The following TUBGCP6 variants were observed in gnomAD, a reference collection of about 807,000 sequenced individuals.
TUBGCP6 encodes gamma-tubulin complex component 6.
TUBGCP6 carries 161 observed loss-of-function variants against 175.8 expected under a neutral mutation model. The ratio of observed to expected loss-of-function variants is 0.92; its 90% confidence interval spans 0.81 to 1.04. TUBGCP6 has a LOEUF of 1.04. Ranked by LOEUF, TUBGCP6 falls within the 50% of genes least tolerant of loss-of-function variation. The pLI is 0.00. For synonymous variants in TUBGCP6, 1,173 were observed against 1,030.5 expected, an observed-to-expected ratio of 1.14 and a Z score of -2.65; for missense variants, 2,572 against 2,433.0, an observed-to-expected ratio of 1.06 and a Z score of -1.20.
chr22:50,217,756 T>C lies in TUBGCP6; in HGVS notation c.5440A>G (p.Asn1814Asp). 1 of 1,613,672 alleles carries C rather than the reference T, an allele frequency of 6.2e-7. No homozygotes were observed. The highest frequency in any genetic ancestry group is 2.2e-5 in the East Asian group (1 of 44,870). ...EDFLLRINFN[N>D]YYQDA ...CAGCCTCAGGCGTCCTGGTAGTAGT[T>C]GTTGAAGTTGATGCGCAGCAGAAAG... Residue 1814 changes from asparagine (N) to aspartate (D), a missense_variant, in exon 25 of 25, where the codon AAC becomes GAC. By Grantham distance (23) the Asn-to-Asp change is conservative. Transcript: ENST00000248846.
chr22:50,233,669 G>A, intron 2 of TUBGCP6, 143 bp from the exon 3 acceptor site: 2 of 812,224 alleles, frequency 2.5e-6, no homozygotes, highest in East Asian at 2.7e-5. Context: ...AGCCAGGTAT[G>A]AATGTCAGCT....
chr22:50,217,884 C>A (rs749749382), intron 24 of TUBGCP6, 34 bp downstream of exon 24: 3 of 1,605,044 alleles, frequency 1.9e-6, no homozygotes, highest in East Asian at 4.5e-5. Context: ...CGCCCTGGCC[C>A]CCCCGCAGCC....
rs754436795 is a variant in TUBGCP6, at chr22:50,218,300, T to C, written c.5057A>G (p.Asn1686Ser). ...GCACCAGGTGACGTGCAGGATCTGG[T>C]TGGCGATGTAGCCCTGGATGACCTT... ...FVKVIQGYIA[N>S]QILHVTWCEF... Residue 1686 changes from asparagine (N) to serine (S), a missense_variant, in exon 23 of 25, where the codon AAC (asparagine) becomes AGC (serine). Coordinates refer to ENST00000248846, the MANE Select transcript of TUBGCP6 (RefSeq NM_020461.4). 16 of 1,613,002 alleles carry C rather than the reference T, an allele frequency of 9.9e-6. No homozygotes were observed. The highest frequency in any genetic ancestry group is 1.7e-5 in the Admixed American group (1 of 60,004).
rs1450277925 is a variant in TUBGCP6, at chr22:50,244,508, G to A, written c.-49C>T. On this transcript the variant is annotated 5_prime_UTR_variant, in exon 1 of 25. Coordinates refer to ENST00000248846, the MANE Select transcript of TUBGCP6 (RefSeq NM_020461.4). The stretch of plus-strand genomic sequence containing the variant: ...CGGCGTGTGGGAAAACACCTCACCC[G>A]GGCTTCACTCACGCTCCGGAAGACA... The A allele has an allele frequency of 3.2e-6, 5 of 1,543,598 alleles. No individual in the cohort carries two copies. The highest frequency in any genetic ancestry group is 2.0e-5 in the Admixed American group (1 of 51,008).
intron 2 of TUBGCP6, among the ~76,000 whole-genome samples, chr22:50,234,815 C>T (rs566517443): frequency 6.8e-6 from 1 of 147,384 alleles, no homozygotes; most frequent in South Asian, 2.2e-4. Context: ...GCATCATCCA[C>T]ACCCCCTGTC....
Position 50,218,767 on chromosome 22 carries a change from T to C in TUBGCP6, c.4757A>G (p.Tyr1586Cys), listed in dbSNP as rs780119708. 12 of 1,613,826 alleles carry C rather than the reference T, an allele frequency of 7.4e-6. No individual in the cohort carries two copies. The highest frequency in any genetic ancestry group is 1.0e-5 in the Non-Finnish European group (12 of 1,179,980). The stretch of plus-strand genomic sequence containing the variant: ...GTTGGGGGCAAACACCTCGGGCAGG[T>C]ACTTGAGAGCGAGGGAGAGGTTGGA... Reference protein sequence around the residue: ...HASNLSLALKYLPEVFAPNAP... With the variant: ...HASNLSLALKCLPEVFAPNAP... Residue 1586 changes from tyrosine (Y) to cysteine (C), a missense_variant, in exon 21 of 25, where the codon TAC becomes TGC. By Grantham distance (194) the Tyr-to-Cys change is radical. Coordinates refer to ENST00000248846, the MANE Select transcript of TUBGCP6 (RefSeq NM_020461.4).
Position 50,226,048 on chromosome 22 carries a change from A to AC in TUBGCP6, c.1833+1dup. On this transcript the variant is annotated splice_donor_variant, in intron 9 of 24. Coordinates refer to ENST00000248846, the MANE Select transcript of TUBGCP6 (RefSeq NM_020461.4). LOFTEE classifies it high-confidence loss of function. ...CTTCCCCACACATGAGCCCCTCCTCACCCGGGGGCAGCAGAGCTTCAGCAG... is the reference window on the plus strand; with the variant it reads ...CTTCCCCACACATGAGCCCCTCCTCACCCCGGGGGCAGCAGAGCTTCAGCAG... The AC allele has an allele frequency of 6.2e-7, 1 of 1,613,978 alleles. No homozygotes were observed. Among genetic ancestry groups the AC allele is most frequent in the South Asian group, 1.1e-5 (1 of 91,068 alleles).
intron 4 of TUBGCP6, among the ~76,000 whole-genome samples, 164 bp from the exon 5 acceptor site, chr22:50,228,192 C>G (rs910009081): frequency 3.9e-5 from 6 of 152,318 alleles, no homozygotes; most frequent in Admixed American, 1.3e-4. Flanking sequence ...GCCACCGGGC[C>G]AGGTGGAAAT....
At chr22:50,220,155 G>A (rs2064492348) in intron 16 of TUBGCP6, 96 bp downstream of exon 16, 2 of 1,548,166 alleles carry the variant, frequency 1.3e-6, no homozygotes, top group Non-Finnish European at 1.8e-6. Flanking sequence ...AGGCCTGAGG[G>A]GAACTTCACA....
In TUBGCP6 at chr22:50,218,255, G is replaced by C; in HGVS notation, c.5102C>G (p.Ala1701Gly). The C allele has an allele frequency of 6.2e-7, 1 of 1,613,026 alleles. No individual in the cohort carries two copies. ...VTWCEFRARL[A>G]TVGDLEEIQR... ...GATCTCCTCCAGGTCGCCCACGGTG[G>C]CCAACCTGGCCCTGAACTCGCACCA... Residue 1701 changes from alanine to glycine, a missense_variant, in exon 23 of 25, where the codon GCC becomes GGC. Physicochemically the swap from Ala to Gly is moderately conservative, Grantham distance 60. Coordinates refer to ENST00000248846, the MANE Select transcript of TUBGCP6 (RefSeq NM_020461.4).
In TUBGCP6 at chr22:50,220,735, G is replaced by C. The variant is rs1481801890; in HGVS notation, c.3624C>G (p.Thr1208=). ...LGESVSDMAP[T]RPRWNTHGHV... is the part of the protein sequence containing the mutation. ...GTCCGTGGGTGTTCCACCGTGGCCG[G>C]GTGGGAGCCATGTCTGACACAGACT... is the stretch of plus-strand genomic sequence containing the variant. Residue 1208 remains threonine (T), a synonymous_variant, in exon 16 of 25, where the codon ACC becomes ACG. Coordinates refer to ENST00000248846, the MANE Select transcript of TUBGCP6 (RefSeq NM_020461.4). 1 of 1,609,690 alleles carries C rather than the reference G, an allele frequency of 6.2e-7. No homozygotes were observed. The highest frequency in any genetic ancestry group is 1.1e-5 in the South Asian group (1 of 90,772).
At chr22:50,227,636 C>A (rs1208733862) in intron 5 of TUBGCP6, among the ~76,000 whole-genome samples, 1 of 152,226 alleles carries the variant, frequency 6.6e-6, no homozygotes, top group East Asian at 1.9e-4. Flanking sequence ...GTACCGGACG[C>A]CACATCTCCA....
At position 50,220,611 on chromosome 22, in the gene TUBGCP6, T is replaced by A; in HGVS notation, c.3748A>T (p.Ile1250Phe). 1 of 1,613,054 alleles carries A rather than the reference T, an allele frequency of 6.2e-7. No homozygotes were observed. Among genetic ancestry groups the A allele is most frequent in the Non-Finnish European group, 8.5e-7 (1 of 1,179,736 alleles). The change falls in exon 16 of 25, where the codon ATC becomes TTC. Residue 1250 changes from isoleucine (I) to phenylalanine (F), a missense_variant. Coordinates refer to ENST00000248846, the MANE Select transcript of TUBGCP6 (RefSeq NM_020461.4). The part of the protein sequence containing the change: ...NTHGHVSDAS[I>F]SLGEPVSDVV... ...TCCGACACAGGCTCCCCCAAGCTGA[T>A]GCTGGCGTCGGACACGTGTCCATGG...
chr22:50,221,185 G>A lies in TUBGCP6; in HGVS notation c.3174C>T (p.Asp1058=), dbSNP rs549349313. 248 of 1,606,318 alleles carry A rather than the reference G, an allele frequency of 1.5e-4. 1 individual carries two copies. The South Asian group carries it at 2.3e-3, about 15-fold the overall frequency. The change falls in exon 16 of 25, where the codon GAC becomes GAT. Residue 1058 remains aspartate, a synonymous_variant. Transcript: ENST00000248846. The part of the protein sequence containing the change: ...PRWNTHGHVS[D]ASIRVGENVS... ...CATTCTCCCCGACCCTGATGCTGGC[G>A]TCAGACACGTGCCCGTGGGTGTTCC...
intron 2 of TUBGCP6, among the ~76,000 whole-genome samples, chr22:50,234,450 CAG>C (rs2064738873): frequency 6.7e-6 from 1 of 149,722 alleles, no homozygotes; most frequent in African/African-American, 2.5e-5. Context: ...CATCCACATC[CAG>C]GTCCACAGCA....
In TUBGCP6 at chr22:50,217,777, G is replaced by A; in HGVS notation, c.5419C>T (p.Leu1807=). ...RGYQPHLEDF[L]LRINFNNYYQ... ...TAGTTGTTGAAGTTGATGCGCAGCA[G>A]AAAGTCCTCCAGGTGGGGCTGGTAG... The change falls in exon 25 of 25, where the codon CTG becomes TTG. Residue 1807 remains leucine, a synonymous_variant. Coordinates refer to ENST00000248846, the MANE Select transcript of TUBGCP6 (RefSeq NM_020461.4). 6.2e-7 allele frequency: 1 copy of A among 1,614,058 alleles called. No individual in the cohort carries two copies. The highest frequency in any genetic ancestry group is 2.2e-5 in the East Asian group (1 of 44,876).
Position 50,224,319 on chromosome 22 carries a change from A to G in TUBGCP6, c.2154+13T>C. 1 of 1,614,228 alleles carries G rather than the reference A, an allele frequency of 6.2e-7. No homozygotes were observed. The highest frequency in any genetic ancestry group is 1.3e-5 in the African/African-American group (1 of 75,064). On this transcript the variant is annotated intron_variant, in intron 12 of 24. Transcript: ENST00000248846. Reference sequence around the variant, plus strand: ...CTGACAGGCGTGACCCCGCAGGGACAGGTCCTACCCACCTCCTGGTCCTTC... The same window carrying G: ...CTGACAGGCGTGACCCCGCAGGGACGGGTCCTACCCACCTCCTGGTCCTTC...
Position 50,222,052 on chromosome 22 carries a change from G to A in TUBGCP6, c.2460C>T (p.Asp820=), listed in dbSNP as rs367817641. ...SEAHQPQEPP[D]VLLSVHPQVT... ...CCTGGGGGTGCACGCTCAAGAGGACGTCTGGCGGCTCCTGGGGCTGGTGAG... is the reference window on the plus strand; with the variant it reads ...CCTGGGGGTGCACGCTCAAGAGGACATCTGGCGGCTCCTGGGGCTGGTGAG... Residue 820 remains aspartate (D), a synonymous_variant, in exon 15 of 25, where the codon GAC becomes GAT. Transcript: ENST00000248846. 31 of 1,613,772 alleles carry A rather than the reference G, an allele frequency of 1.9e-5. No individual in the cohort carries two copies. The highest frequency in any genetic ancestry group is 8.0e-5 in the African/African-American group (6 of 74,934).
chr22:50,234,541 G>A (rs181275181), intron 2 of TUBGCP6, among the ~76,000 whole-genome samples: 34 of 140,124 alleles, frequency 2.4e-4, no homozygotes, highest in African/African-American at 7.9e-4. Flanking sequence ...TTCCACAGCA[G>A]CATCATCCAC....
Sources: gnomAD v4.1 joint callset for allele counts (sites outside exome capture counted in the v4.1 genomes callset) on GRCh38, gnomAD v4.1.1 for gene constraint, MANE v1.5 for transcripts, NCBI Gene and HGNC (gene_info 2026-07-23, HGNC 2026-07-21) for gene names.